WARS1: variants seen among roughly 807,000 people sequenced by gnomAD.
WARS1 encodes the protein tryptophanyl-tRNA synthetase 1, also known as tryptophan--tRNA ligase, cytoplasmic.
A neutral mutation model predicts 47.8 loss-of-function variants in WARS1; 17 were observed. The ratio of observed to expected loss-of-function variants is 0.36; its 90% CI spans 0.24 to 0.53. The LOEUF is 0.53. WARS1 is among the 20% of genes least tolerant of loss of function. The pLI is 0.91. For synonymous variants in WARS1, 208 were observed against 228.1 expected (o/e 0.91, Z 0.79); for missense variants, 434 against 608.0 (o/e 0.71, Z 3.01).
intron 8 of WARS1, 63 bp from the exon 9 acceptor site, chr14:100,342,634 G>C: frequency 6.7e-7 from 1 of 1,496,228 alleles, no homozygotes; most frequent in Non-Finnish European, 9.1e-7. Flanking sequence ...TCAGCCATGA[G>C]CAGTCCCTGT....
intron 4 of WARS1, among the ~76,000 whole-genome samples, chr14:100,355,149 C>T (rs1344476048): frequency 6.6e-6 from 1 of 152,172 alleles, no homozygotes; most frequent in East Asian, 1.9e-4. Context: ...CCAATCACAG[C>T]TGCCTGCGCC....
intron 6 of WARS1, among the ~76,000 whole-genome samples, chr14:100,352,672 A>C (rs577612721): frequency 1.1e-4 from 17 of 152,168 alleles, no homozygotes; most frequent in Non-Finnish European, 2.2e-4. Context: ...GAGTGGAGTA[A>C]CATGCCTTAG....
At chr14:100,344,706 T>A (rs1894422927) in intron 7 of WARS1, among the ~76,000 whole-genome samples, 1 of 147,342 alleles carries the variant, frequency 6.8e-6, no homozygotes, top group Non-Finnish European at 1.5e-5. Context: ...GCCCATCGTC[T>A]GAGATGTGGG....
intron 8 of WARS1, 143 bp downstream of exon 8, chr14:100,343,132 C>T: frequency 1.9e-6 from 1 of 540,008 alleles, no homozygotes; most frequent in Non-Finnish European, 3.0e-6. Flanking sequence ...CTGCCTTGGC[C>T]TCCCAGAGTG....
intron 3 of WARS1, among the ~76,000 whole-genome samples, chr14:100,361,271 C>T (rs758015922): frequency 1.3e-5 from 2 of 152,342 alleles, no homozygotes; most frequent in Non-Finnish European, 2.9e-5. Context: ...CAAGGAAGGG[C>T]ATGACAGTAA....
intron 9 of WARS1, 148 bp downstream of exon 9, chr14:100,342,250 A>G (rs762499466): frequency 9.3e-7 from 1 of 1,080,420 alleles, no homozygotes; most frequent in Non-Finnish European, 1.4e-6. Flanking sequence ...TTCTGCAGGG[A>G]GCAAAGTTGG....
In WARS1 at chr14:100,360,546, C is replaced by T. The variant is rs760542621; in HGVS notation, c.422+8G>A. ...AGGTGAGAAGGCCTGTGGTGAAGAG[C>T]CCCTGACCTGTGTGAGAAGAAGATG... On this transcript the variant is annotated splice_region_variant and intron_variant, in intron 4 of 10. Transcript: ENST00000392882. 1 of 1,609,388 alleles carries T rather than the reference C, an allele frequency of 6.2e-7. No homozygotes were observed. Among genetic ancestry groups the T allele is most frequent in the Non-Finnish European group, 8.5e-7 (1 of 1,176,546 alleles).
rs1896015992 is a variant in WARS1 at position 100,366,650 on chromosome 14, C to T, written c.99+2437G>A. ...CATGGCCCATGGACATGGACATGAG[C>T]ATGGACATCGTAAAATGGAACTTCT... On this transcript the variant is annotated intron_variant, in intron 2 of 10. Coordinates refer to ENST00000392882, the MANE Select transcript of WARS1 (RefSeq NM_004184.4). The T allele has an allele frequency of 1.3e-5, 10 of 768,788 alleles. No individual in the cohort carries two copies. The Admixed American group carries it at 1.7e-4, about 13-fold the overall frequency. The allele number at this position is 768,788 out of a possible 1,614,324, so 47.6% of individuals were successfully genotyped here.
chr14:100,342,639 C>T, intron 8 of WARS1, 68 bp from the exon 9 acceptor site: 1 of 1,452,770 alleles, frequency 6.9e-7, no homozygotes, highest in Non-Finnish European at 9.3e-7. Flanking sequence ...CATGAGCAGT[C>T]CCTGTGAGCA....
intron 3 of WARS1, 73 bp from the exon 4 acceptor site, chr14:100,360,735 G>T: frequency 1.8e-6 from 2 of 1,137,236 alleles, no homozygotes; most frequent in Non-Finnish European, 2.6e-6. Context: ...AAATGAAGAT[G>T]AAAAGTGAGT....
upstream of WARS1, chr14:100,375,722 A>G (rs2234518): frequency 0.69 from 104,983 of 152,004 alleles, 37,434 homozygotes; most frequent in Admixed American, 0.81. Context: ...CGGTGGAAAG[A>G]GAAACTGTAA....
At chr14:100,372,066 C>G (rs1459319711) in intron 1 of WARS1, among the ~76,000 whole-genome samples, 2 of 152,118 alleles carry the variant, frequency 1.3e-5, no homozygotes, top group East Asian at 1.9e-4. Context: ...ACCTTGTGAC[C>G]CCTGCCACCT....
chr14:100,342,671 C>G, intron 8 of WARS1, 100 bp from the exon 9 acceptor site: 1 of 1,160,310 alleles, frequency 8.6e-7, no homozygotes, highest in South Asian at 1.6e-5. Context: ...GGCTCTCATG[C>G]TTCCAACCAA....
intron 2 of WARS1, among the ~76,000 whole-genome samples, chr14:100,368,735 C>T (rs1389555173): frequency 1.3e-5 from 2 of 152,106 alleles, no homozygotes; most frequent in Admixed American, 1.3e-4. Context: ...CCAAGGTGGA[C>T]AGATCACCTG....
At position 100,360,622 on chromosome 14, in the gene WARS1, G is replaced by A. The variant is rs773951457; in HGVS notation, c.354C>T (p.Asn118=). 6.2e-7 allele frequency: 1 copy of A among 1,613,838 alleles called. No individual in the cohort carries two copies. Among genetic ancestry groups the A allele is most frequent in the South Asian group, 1.1e-5 (1 of 91,070 alleles). ...GSSKIDKELI[N]RIERATGQRP... ...TTTGGCCGGTGGCTCTCTCTATTCG[G>A]TTTATTAGCTCTTTGTCAATTTTAC... is the stretch of plus-strand genomic sequence containing the variant. The change falls in exon 4 of 11, where the codon AAC becomes AAT. Residue 118 remains asparagine (N), a synonymous_variant. Transcript: ENST00000392882.
chr14:100,345,048 G>A (rs1333988351), intron 7 of WARS1, among the ~76,000 whole-genome samples: 2 of 121,564 alleles, frequency 1.6e-5, no homozygotes, highest in South Asian at 2.7e-4. Flanking sequence ...GGAGGGAGGT[G>A]GCGGGGTCAG....
chr14:100,374,572 A>G (rs1896532538), intron 1 of WARS1, among the ~76,000 whole-genome samples: 1 of 152,232 alleles, frequency 6.6e-6, no homozygotes, highest in Admixed American at 6.5e-5. Flanking sequence ...ACAACATGAT[A>G]AAGACTTGGG....
intron 8 of WARS1, 130 bp from the exon 9 acceptor site, chr14:100,342,701 C>G: frequency 1.5e-6 from 1 of 689,494 alleles, no homozygotes; most frequent in Non-Finnish European, 2.1e-6. Context: ...CTCCCTCCTC[C>G]CCTTCATCTT....
chr14:100,351,609 C>T (rs1256283236), intron 6 of WARS1, among the ~76,000 whole-genome samples: 1 of 152,172 alleles, frequency 6.6e-6, no homozygotes, highest in Non-Finnish European at 1.5e-5. Context: ...ACCCAGGTGC[C>T]AGGATCTGGA....
Sources: gnomAD v4.1 joint callset for allele counts (sites outside exome capture counted in the v4.1 genomes callset) on GRCh38, gnomAD v4.1.1 for gene constraint, MANE v1.5 for transcripts, NCBI Gene and HGNC (gene_info 2026-07-23, HGNC 2026-07-21) for gene names.